Variants in CAMTA1 observed in about 807,000 individuals in gnomAD.
The protein encoded by CAMTA1 is calmodulin-binding transcription activator 1.
In CAMTA1, 27 loss-of-function variants were observed where a neutral mutation model predicts 170.9. The observed-to-expected ratio is 0.16, with a 90% CI of 0.12 to 0.22. The LOEUF is 0.22. CAMTA1 is among the 10% of genes least tolerant of loss of function. The pLI is 1.00. For missense variants in CAMTA1, 1,619 were observed against 2,217.2 expected (o/e 0.73, Z 5.42); for synonymous variants, 833 against 891.5 (o/e 0.93, Z 1.17).
chr1:7,554,603 C>T (rs1020636644), intron 6 of CAMTA1, among the ~76,000 whole-genome samples: 1 of 152,186 alleles, frequency 6.6e-6, no homozygotes, highest in Admixed American at 6.5e-5. Context: ...CCTCCTGTCA[C>T]TGCCTCCACC....
At chr1:7,162,631 T>C (rs902350121) in intron 4 of CAMTA1, among the ~76,000 whole-genome samples, 4 of 152,262 alleles carry the variant, frequency 2.6e-5, no homozygotes, top group Non-Finnish European at 4.4e-5. Flanking sequence ...TTAGCACTTA[T>C]CAGTAAGTAC....
chr1:7,584,131 C>G (rs1239876246), intron 6 of CAMTA1, among the ~76,000 whole-genome samples: 3 of 152,092 alleles, frequency 2.0e-5, no homozygotes, highest in Non-Finnish European at 4.4e-5. Context: ...TAAAGAAAAA[C>G]TTTATTCATG....
At chr1:7,599,682 A>G (rs2095425841) in intron 6 of CAMTA1, among the ~76,000 whole-genome samples, 2 of 152,010 alleles carry the variant, frequency 1.3e-5, no homozygotes, top group Non-Finnish European at 2.9e-5. Flanking sequence ...ATTCCTAGGT[A>G]TTTTATTCTC....
At chr1:7,125,677 C>T (rs1644888648) in intron 4 of CAMTA1, among the ~76,000 whole-genome samples, 1 of 152,114 alleles carries the variant, frequency 6.6e-6, no homozygotes, top group Non-Finnish European at 1.5e-5. Context: ...AGAGCTGGCC[C>T]CGGGGCGACT....
At chr1:6,936,459 T>G (rs1685320030) in intron 3 of CAMTA1, among the ~76,000 whole-genome samples, 1 of 150,994 alleles carries the variant, frequency 6.6e-6, no homozygotes, top group Non-Finnish European at 1.5e-5. Flanking sequence ...TGCCTGTGGA[T>G]GGGGGCAGGA....
intron 3 of CAMTA1, among the ~76,000 whole-genome samples, chr1:6,858,436 GGT>G (rs1317259148): frequency 9.0e-6 from 1 of 111,110 alleles, no homozygotes; most frequent in East Asian, 2.3e-4. Context: ...TCCTTAAAGT[GGT>G]GTGTGTGGTG....
intron 3 of CAMTA1, among the ~76,000 whole-genome samples, chr1:7,020,384 G>A (rs1188299485): frequency 6.6e-6 from 1 of 152,222 alleles, no homozygotes; most frequent in Non-Finnish European, 1.5e-5. Flanking sequence ...CAGGTTTGTA[G>A]CCCAGGAGCC....
chr1:6,847,224 C>T (rs555937884), intron 3 of CAMTA1, among the ~76,000 whole-genome samples: 4 of 151,714 alleles, frequency 2.6e-5, no homozygotes, highest in Admixed American at 1.3e-4. Context: ...AGGCATGTCT[C>T]GAACTCCTGG....
intron 6 of CAMTA1, among the ~76,000 whole-genome samples, chr1:7,485,934 C>T (rs369613242): frequency 1.5e-4 from 23 of 152,358 alleles, no homozygotes; most frequent in East Asian, 1.3e-3. Flanking sequence ...GCACCTCAGC[C>T]GCCAGCTGTT....
chr1:6,853,047 C>G (rs1224163233), intron 3 of CAMTA1: 1 of 152,114 alleles, frequency 6.6e-6, no homozygotes, highest in Non-Finnish European at 1.5e-5. Flanking sequence ...CTTATTATAT[C>G]ACAGTATCAC....
intron 5 of CAMTA1, among the ~76,000 whole-genome samples, chr1:7,452,933 C>T (rs572268555): frequency 7.2e-5 from 11 of 152,300 alleles, no homozygotes; most frequent in African/African-American, 2.6e-4. Flanking sequence ...GAGGAATGGG[C>T]CACAGTTTCT....
chr1:7,314,340 C>G (rs145418081), intron 5 of CAMTA1, among the ~76,000 whole-genome samples: 4 of 152,186 alleles, frequency 2.6e-5, no homozygotes, highest in Non-Finnish European at 5.9e-5. Flanking sequence ...AAGGCCACAG[C>G]TCCCAGTGTG....
At chr1:7,434,451 CCATT>C (rs34014428) in intron 5 of CAMTA1, among the ~76,000 whole-genome samples, 117,127 of 150,848 alleles carry the variant, frequency 0.78, 45,678 homozygotes, top group East Asian at 0.87. Context: ...GAGGAAAGCA[CCATT>C]CATTCATTCA....
intron 3 of CAMTA1, among the ~76,000 whole-genome samples, chr1:7,020,025 G>C (rs1310180343): frequency 1.3e-5 from 2 of 152,238 alleles, no homozygotes; most frequent in African/African-American, 4.8e-5. Context: ...GGGATTGCCT[G>C]AAGCCAATGC....
intron 3 of CAMTA1, among the ~76,000 whole-genome samples, chr1:6,884,564 G>T (rs1571358408): frequency 6.6e-6 from 1 of 152,138 alleles, no homozygotes; most frequent in East Asian, 1.9e-4. Context: ...CCTTTATCAG[G>T]TTTAAGCTTA....
chr1:7,232,893 C>T, intron 4 of CAMTA1, among the ~76,000 whole-genome samples: 1 of 151,816 alleles, frequency 6.6e-6, no homozygotes, highest in South Asian at 2.1e-4. Flanking sequence ...GCCTTGTCTC[C>T]TTGAGAAAAA....
intron 6 of CAMTA1, among the ~76,000 whole-genome samples, chr1:7,497,930 G>A (rs1020497922): frequency 2.6e-5 from 4 of 152,318 alleles, no homozygotes; most frequent in Admixed American, 6.5e-5. Flanking sequence ...GAGAGATGAC[G>A]GGGCTGCTCG....
intron 3 of CAMTA1, among the ~76,000 whole-genome samples, chr1:6,979,422 A>C (rs928384476): frequency 6.6e-6 from 1 of 152,180 alleles, no homozygotes; most frequent in South Asian, 2.1e-4. Context: ...ATCCATTTAA[A>C]CCGTGTGCAT....
intron 6 of CAMTA1, among the ~76,000 whole-genome samples, chr1:7,480,362 C>T (rs1057320318): frequency 1.3e-5 from 2 of 148,446 alleles, no homozygotes; most frequent in Admixed American, 6.7e-5. Flanking sequence ...TGTGTTTGTG[C>T]ATGTGTGTGA....
Sources: allele counts gnomAD v4.1 joint callset (sites outside exome capture counted in the v4.1 genomes callset), GRCh38; gene constraint gnomAD v4.1.1; transcripts MANE v1.5; gene names NCBI Gene and HGNC (gene_info 2026-07-23, HGNC 2026-07-21).